Variants in CNTNAP5 observed in about 807,000 individuals in gnomAD.
CNTNAP5 encodes contactin associated protein family member 5.
CNTNAP5 carries 72 observed loss-of-function variants against 150.2 expected under a neutral mutation model. That is an observed-to-expected ratio of 0.48 (90% CI 0.40 to 0.58). CNTNAP5 has a LOEUF of 0.58. Among genes scored for constraint, CNTNAP5 ranks in the 20% least tolerant of loss-of-function variants. CNTNAP5 has a pLI of 0.00. For missense variants in CNTNAP5, 1,636 were observed against 1,626.2 expected (o/e 1.01, Z -0.10); for synonymous variants, 672 against 619.8 (o/e 1.08, Z -1.25).
At chr2:124,463,719 G>A (rs1053375325) in intron 6 of CNTNAP5, among the ~76,000 whole-genome samples, 10 of 152,170 alleles carry the variant, frequency 6.6e-5, no homozygotes, top group African/African-American at 2.4e-4. Flanking sequence ...TTTTAAAAAT[G>A]GCAATGTTTC....
At chr2:124,857,300 G>T (rs1428296700) in intron 19 of CNTNAP5, among the ~76,000 whole-genome samples, 1 of 152,076 alleles carries the variant, frequency 6.6e-6, no homozygotes, top group Non-Finnish European at 1.5e-5. Context: ...CGGCATATAA[G>T]GCAATCTCAG....
intron 13 of CNTNAP5, among the ~76,000 whole-genome samples, chr2:124,693,059 G>A (rs1679331708): frequency 6.6e-6 from 1 of 152,054 alleles, no homozygotes. Flanking sequence ...TCAGTTAATA[G>A]AAAGGTGGCA....
chr2:124,138,032 TG>T, intron 1 of CNTNAP5, among the ~76,000 whole-genome samples: 1 of 152,174 alleles, frequency 6.6e-6, no homozygotes, highest in Non-Finnish European at 1.5e-5. Context: ...ATTTCCTCAA[TG>T]AAAAAATGGA....
At chr2:124,908,680 A>G (rs1279752413) in intron 22 of CNTNAP5, among the ~76,000 whole-genome samples, 2 of 152,136 alleles carry the variant, frequency 1.3e-5, no homozygotes, top group African/African-American at 4.8e-5. Context: ...AGAAGAAGGC[A>G]TTGTTATGGT....
rs556571236 is a variant in CNTNAP5 at position 124,057,448 on chromosome 2, A to ATTTTTTTTT, written c.82+31731_82+31739dup. Among the ~76,000 whole-genome samples, 421 of 62,780 alleles carry ATTTTTTTTT rather than the reference A, an allele frequency of 6.7e-3. 70 individuals are homozygous for ATTTTTTTTT. Among genetic ancestry groups the ATTTTTTTTT allele is most frequent in the African/African-American group, 0.026 (332 of 12,736 alleles). The allele number at this position is 62,780 out of a possible 152,430, so 41.2% of individuals were successfully genotyped here. A position where few individuals can be genotyped will look rare whatever the true frequency, so the allele number is the denominator to read the frequency against. On this transcript the variant is annotated intron_variant, in intron 1 of 23. Transcript: ENST00000682447. ...AGGCACCCACCAGCACGGCCAGCTA[A>ATTTTTTTTT]TTTTTTTTTTTTTTTTTTTTTTTAG...
chr2:124,403,436 TAAGAA>T (rs1334686675), intron 3 of CNTNAP5, among the ~76,000 whole-genome samples: 8 of 152,176 alleles, frequency 5.3e-5, no homozygotes, highest in Non-Finnish European at 8.8e-5. Context: ...GTAAACAGAT[TAAGAA>T]AAGTTTTTTT....
chr2:124,474,198 T>A (rs2104833129), intron 6 of CNTNAP5, among the ~76,000 whole-genome samples: 1 of 152,220 alleles, frequency 6.6e-6, no homozygotes, highest in South Asian at 2.1e-4. Flanking sequence ...TGAAATTTCA[T>A]CACATTGATT....
At chr2:124,598,900 C>G (rs905222227) in intron 11 of CNTNAP5, among the ~76,000 whole-genome samples, 3 of 152,000 alleles carry the variant, frequency 2.0e-5, no homozygotes, top group Non-Finnish European at 4.4e-5. Context: ...GGGAGTGACC[C>G]GATTTTCCAG....
intron 1 of CNTNAP5, among the ~76,000 whole-genome samples, chr2:124,145,817 A>G (rs1684230663): frequency 2.1e-4 from 2 of 9,490 alleles, no homozygotes; most frequent in Non-Finnish European, 4.8e-4. Flanking sequence ...AACATTAAAA[A>G]AAAAAAAAAA....
At position 124,560,189 on chromosome 2, in the gene CNTNAP5, T is replaced by A. The variant is rs1573458979; in HGVS notation, c.1650-3028T>A. On this transcript the variant is annotated intron_variant, in intron 10 of 23. Transcript: ENST00000682447. ...CCTTCTCCCAACATGCCGAAGTAGA[T>A]TTTGTAATCTTTTGTTTTAAAAACA... Among the ~76,000 whole-genome samples, 3 of 152,138 alleles carry A rather than the reference T, an allele frequency of 2.0e-5. No homozygotes were observed. The East Asian group carries it at 5.8e-4, about 29-fold the overall frequency.
chr2:124,291,867 T>C (rs1688303165), intron 3 of CNTNAP5, among the ~76,000 whole-genome samples: 2 of 152,334 alleles, frequency 1.3e-5, no homozygotes, highest in African/African-American at 2.4e-5. Flanking sequence ...TCCAACATGG[T>C]GTGGTCTTCT....
chr2:124,267,022 C>A (rs537682685), intron 3 of CNTNAP5, among the ~76,000 whole-genome samples: 1 of 150,500 alleles, frequency 6.6e-6, no homozygotes, highest in South Asian at 2.1e-4. Flanking sequence ...TTACTGTCCT[C>A]ATTATCATTA....
At chr2:124,757,497 C>T (rs72847340) in intron 14 of CNTNAP5, among the ~76,000 whole-genome samples, 75 of 152,180 alleles carry the variant, frequency 4.9e-4, no homozygotes, top group African/African-American at 1.6e-3. Flanking sequence ...GTGGGAGACC[C>T]GTGTTGGAGC....
intron 3 of CNTNAP5, among the ~76,000 whole-genome samples, chr2:124,260,737 T>C (rs1680864643): frequency 6.6e-6 from 1 of 152,166 alleles, no homozygotes; most frequent in South Asian, 2.1e-4. Context: ...AGGTACATTT[T>C]TTAGCTTTAA....
intron 3 of CNTNAP5, among the ~76,000 whole-genome samples, chr2:124,339,025 A>G (rs1689543427): frequency 6.6e-6 from 1 of 152,152 alleles, no homozygotes; most frequent in Non-Finnish European, 1.5e-5. Context: ...GGAGGAAAAA[A>G]GTTAGATGGG....
At chr2:124,186,484 T>A (rs879599091) in intron 1 of CNTNAP5, among the ~76,000 whole-genome samples, 4 of 152,232 alleles carry the variant, frequency 2.6e-5, no homozygotes, top group Admixed American at 1.3e-4. Flanking sequence ...GAAATATAGT[T>A]ATATTTCTAG....
At chr2:124,625,637 T>A (rs1401957134) in intron 12 of CNTNAP5, among the ~76,000 whole-genome samples, 1 of 152,192 alleles carries the variant, frequency 6.6e-6, no homozygotes, top group African/African-American at 2.4e-5. Context: ...TCGCTGCTCT[T>A]CTAAGCACTG....
chr2:124,474,772 C>T lies in CNTNAP5; in HGVS notation c.952C>T (p.Pro318Ser), dbSNP rs1693599986. 6.3e-7 allele frequency: 1 copy of T among 1,597,338 alleles called. No individual in the cohort carries two copies. ...SFGGIPVPGK[P>S]GTFLKKNFHG... The stretch of plus-strand genomic sequence containing the variant: ...TGGAGGAATTCCAGTACCAGGAAAA[C>T]CTGGGACCTTTTTAAAGAAAAACTT... The change falls in exon 7 of 24, where the codon CCT becomes TCT. Residue 318 changes from proline to serine, a missense_variant. Transcript: ENST00000682447.
At chr2:124,744,443 C>G (rs919744242) in intron 13 of CNTNAP5, among the ~76,000 whole-genome samples, 1 of 152,114 alleles carries the variant, frequency 6.6e-6, no homozygotes, top group African/African-American at 2.4e-5. Context: ...TACAACATAC[C>G]TCTTATCCCT....
Sources: allele counts gnomAD v4.1 joint callset (sites outside exome capture counted in the v4.1 genomes callset), GRCh38; gene constraint gnomAD v4.1.1; transcripts MANE v1.5; gene names NCBI Gene and HGNC (gene_info 2026-07-23, HGNC 2026-07-21).